Variants in PCDHGA3 observed in about 807,000 individuals in gnomAD.
PCDHGA3 encodes protocadherin gamma-A3.
PCDHGA3 carries 40 observed loss-of-function variants against 58.5 expected under a neutral mutation model. The observed-to-expected ratio is 0.68, with a 90% CI of 0.53 to 0.89. PCDHGA3 has a LOEUF of 0.89. Among genes scored for constraint, PCDHGA3 ranks in the 40% least tolerant of loss-of-function variants. PCDHGA3 has a pLI of 0.00. For synonymous variants in PCDHGA3, 530 were observed against 525.7 expected, an observed-to-expected ratio of 1.01 and a Z score of -0.11; for missense variants, 1,223 against 1,195.9, an observed-to-expected ratio of 1.02 and a Z score of -0.33.
chr5:141,426,873 C>T (rs1299082117), intron 1 of PCDHGA3: 1 of 456,702 alleles, frequency 2.2e-6, no homozygotes, highest in East Asian at 6.9e-5. Context: ...GCTGGAGAAG[C>T]CCCTGGGCCA....
At chr5:141,366,546 ACT>A (rs1213982480) in intron 1 of PCDHGA3, 6 of 1,614,216 alleles carry the variant, frequency 3.7e-6, no homozygotes, top group Non-Finnish European at 5.1e-6. Context: ...CCCGCCTCGC[ACT>A]TTGTGGGCGT....
chr5:141,478,589 T>C, intron 1 of PCDHGA3: 2 of 1,573,336 alleles, frequency 1.3e-6, no homozygotes, highest in Non-Finnish European at 1.7e-6. Context: ...AGTGCTTTTT[T>C]ATTCCTACAT....
intron 1 of PCDHGA3, chr5:141,422,139 A>G (rs2096627272): frequency 6.3e-7 from 1 of 1,588,154 alleles, no homozygotes. Context: ...AAGTTCAAGT[A>G]CGGGGGTCTC....
chr5:141,355,952 T>C, intron 1 of PCDHGA3: 1 of 1,613,896 alleles, frequency 6.2e-7, no homozygotes, highest in Non-Finnish European at 8.5e-7. Flanking sequence ...CACGTAAGTG[T>C]TCGTGAGAAC....
intron 1 of PCDHGA3, chr5:141,385,892 G>A (rs544548013): frequency 1.3e-5 from 2 of 152,934 alleles, no homozygotes; most frequent in South Asian, 2.1e-4. Context: ...AGAATGAAAT[G>A]TGTGTGTATC....
At chr5:141,349,996 A>G (rs1758386026) in intron 1 of PCDHGA3, 1 of 329,726 alleles carries the variant, frequency 3.0e-6, no homozygotes, top group Non-Finnish European at 5.5e-6. Flanking sequence ...CTTTGAGGAT[A>G]AAAAGCTGGG....
intron 1 of PCDHGA3, chr5:141,397,991 C>T (rs960718940): frequency 1.5e-6 from 2 of 1,340,100 alleles, no homozygotes; most frequent in African/African-American, 3.0e-5. Context: ...TACACCGCTT[C>T]CTCCTCGGAA....
At position 141,414,031 on chromosome 5, in the gene PCDHGA3, C is replaced by G. The variant is rs900884760; in HGVS notation, c.2424+67574C>G. The G allele has an allele frequency of 1.2e-6, 2 of 1,611,740 alleles. No homozygotes were observed. The highest frequency in any genetic ancestry group is 2.7e-5 in the African/African-American group (2 of 74,762). On this transcript the variant is annotated intron_variant, in intron 1 of 3. Coordinates refer to ENST00000253812, the MANE Select transcript of PCDHGA3 (RefSeq NM_018916.4). ...CAATGGAGAAGTGACATATTCATTC[C>G]GAAAATTACCTGACACGCAATTGTT... is the stretch of plus-strand genomic sequence containing the variant.
intron 1 of PCDHGA3, chr5:141,414,659 T>A (rs566999623): frequency 6.2e-7 from 1 of 1,614,010 alleles, no homozygotes; most frequent in South Asian, 1.1e-5. Flanking sequence ...ATTTACTCCC[T>A]GGCTGAAGAC....
intron 1 of PCDHGA3, chr5:141,365,220 A>G (rs777231006): frequency 6.2e-7 from 1 of 1,613,958 alleles, no homozygotes; most frequent in East Asian, 2.2e-5. Flanking sequence ...CTTGATTCCA[A>G]CCTGGGGGAA....
chr5:141,394,263 A>T, intron 1 of PCDHGA3: 1 of 1,613,884 alleles, frequency 6.2e-7, no homozygotes, highest in Non-Finnish European at 8.5e-7. Flanking sequence ...CAGCCAGGAG[A>T]ATGCCCAGGT....
rs781695042 is a variant in PCDHGA3, at chr5:141,394,424, C to T, written c.2424+47967C>T. 6.2e-6 allele frequency: 10 copies of T among 1,614,104 alleles called. No individual in the cohort carries two copies. The African/African-American group carries it at 8.0e-5, about 13-fold the overall frequency. On this transcript the variant is annotated intron_variant, in intron 1 of 3. Transcript: ENST00000253812. The stretch of plus-strand genomic sequence containing the variant: ...AGCTACTGGTAACAGCCAGCGACAG[C>T]GGGGACCCGCCCCTCAGCAGCAACA...
intron 1 of PCDHGA3, chr5:141,360,183 A>G: frequency 6.2e-7 from 1 of 1,611,000 alleles, no homozygotes; most frequent in Non-Finnish European, 8.5e-7. Context: ...GGCTGCAGGT[A>G]CTGTTGCCCT....
At position 141,350,941 on chromosome 5, in the gene PCDHGA3, C is replaced by T. The variant is rs374757232; in HGVS notation, c.2424+4484C>T. 4.4e-5 allele frequency: 71 copies of T among 1,613,958 alleles called. 1 individual carries two copies. Among genetic ancestry groups the T allele is most frequent in the Admixed American group, 2.5e-4 (15 of 60,010 alleles). ...TAAGCGGCACCACCCATATCTGGAT[C>T]CGAGTTACGGATGCCAATGATAATG... is the stretch of plus-strand genomic sequence containing the variant. On this transcript the variant is annotated intron_variant, in intron 1 of 3. Coordinates refer to ENST00000253812, the MANE Select transcript of PCDHGA3 (RefSeq NM_018916.4).
At chr5:141,456,837 C>G (rs550771859) in intron 1 of PCDHGA3, among the ~76,000 whole-genome samples, 70 of 152,194 alleles carry the variant, frequency 4.6e-4, no homozygotes, top group Non-Finnish European at 8.2e-4. Context: ...GTAGTGGGCG[C>G]CTGTAATCCC....
intron 1 of PCDHGA3, chr5:141,392,777 A>G (rs1226924811): frequency 1.3e-6 from 2 of 1,529,440 alleles, no homozygotes; most frequent in Non-Finnish European, 1.8e-6. Flanking sequence ...ATTTATGCAC[A>G]GTGAAGATTC....
chr5:141,440,578 C>T (rs2098188646), intron 1 of PCDHGA3: 1 of 152,138 alleles, frequency 6.6e-6, no homozygotes, highest in Non-Finnish European at 1.5e-5. Flanking sequence ...CTGAGTTTAC[C>T]CAGCTGGAAC....
At chr5:141,506,863 G>A (rs1162975959) in intron 3 of PCDHGA3, among the ~76,000 whole-genome samples, 1 of 152,120 alleles carries the variant, frequency 6.6e-6, no homozygotes, top group Non-Finnish European at 1.5e-5. Context: ...GAGGACTGGT[G>A]GGTAGAGAAC....
chr5:141,430,822 G>C lies in PCDHGA3; in HGVS notation c.2425-63985G>C, dbSNP rs752634890. 5.8e-6 allele frequency: 9 copies of C among 1,542,380 alleles called. No homozygotes were observed. The African/African-American group carries it at 1.1e-4, about 19-fold the overall frequency. On this transcript the variant is annotated intron_variant, in intron 1 of 3. Transcript: ENST00000253812. ...TTGTCCTGCTGGGAATCCTCCTGGGGACTCTGTGGGAGACCGGATGCACCC... is the reference window on the plus strand; with the variant it reads ...TTGTCCTGCTGGGAATCCTCCTGGGCACTCTGTGGGAGACCGGATGCACCC...
Sources: gnomAD v4.1 joint callset for allele counts (sites outside exome capture counted in the v4.1 genomes callset) on GRCh38, gnomAD v4.1.1 for gene constraint, MANE v1.5 for transcripts, NCBI Gene and HGNC (gene_info 2026-07-23, HGNC 2026-07-21) for gene names.